KCNN3: variants seen among roughly 807,000 people sequenced by gnomAD.
The protein encoded by KCNN3 is small conductance calcium-activated potassium channel protein 3.
Under a neutral mutation model 62.9 loss-of-function variants are expected in KCNN3, and 16 were observed. That is an observed-to-expected ratio of 0.25 (90% CI 0.17 to 0.39). The LOEUF (loss-of-function observed/expected upper bound fraction) is 0.39, where lower values mean the gene tolerates loss of function less well. Ranked by LOEUF, KCNN3 falls within the 10% of genes least tolerant of loss-of-function variation. The pLI is 1.00. For missense variants in KCNN3, 599 were observed against 949.4 expected (o/e 0.63, Z 4.85); for synonymous variants, 370 against 389.2 (o/e 0.95, Z 0.58).
At chr1:154,843,980 G>T (rs998742353) in intron 1 of KCNN3, among the ~76,000 whole-genome samples, 1 of 152,318 alleles carries the variant, frequency 6.6e-6, no homozygotes, top group Admixed American at 6.5e-5. Context: ...AAGTAGGAGG[G>T]GGGGCTGCAC....
intron 3 of KCNN3, among the ~76,000 whole-genome samples, chr1:154,738,975 A>G (rs1700771325): frequency 6.6e-6 from 1 of 152,222 alleles, no homozygotes; most frequent in South Asian, 2.1e-4. Context: ...AGGGAGAGGA[A>G]GAGTTGGAGG....
Position 154,869,542 on chromosome 1 carries a change from T to C in KCNN3, c.423A>G (p.Pro141=). 6.2e-7 allele frequency: 1 copy of C among 1,613,920 alleles called. No individual in the cohort carries two copies. The highest frequency in any genetic ancestry group is 8.5e-7 in the Non-Finnish European group (1 of 1,179,966). The change falls in exon 1 of 8, where the codon CCA becomes CCG. Residue 141 remains proline, a synonymous_variant. Coordinates refer to ENST00000271915, the MANE Select transcript of KCNN3 (RefSeq NM_002249.6). This position sits in a 1 kb window ranked among gnomAD's most constrained non-coding sequence, Gnocchi z 6.1. ...NLNDHLLGHS[P]SSTATSGPGG... ...CAGGCCCACTTGTAGCTGTGGAACT[T>C]GGAGAGTGGCCAAGCAAGTGGTCAT...
chr1:154,852,369 AT>A (rs34939586), intron 1 of KCNN3, among the ~76,000 whole-genome samples: 5,156 of 136,532 alleles, frequency 0.038, 269 homozygotes, highest in African/African-American at 0.12. Context: ...CACCCAGCTA[AT>A]TTTTTTTTTT....
intron 3 of KCNN3, 167 bp downstream of exon 3, chr1:154,771,808 A>G (rs1648569913): frequency 1.4e-6 from 1 of 737,118 alleles, no homozygotes; most frequent in Admixed American, 2.0e-5. Flanking sequence ...ATTCTAGCTC[A>G]TACTGAACCC....
chr1:154,856,438 C>T (rs1242444166), intron 1 of KCNN3, among the ~76,000 whole-genome samples: 2 of 152,238 alleles, frequency 1.3e-5, no homozygotes, highest in African/African-American at 4.8e-5. Context: ...TTCCAGTTCT[C>T]TCCGAAATTC....
At position 154,702,509 on chromosome 1, in the gene KCNN3, C is replaced by T. The variant is rs914396180; in HGVS notation, c.*5467G>A. On this transcript the variant is annotated 3_prime_UTR_variant, in exon 8 of 8. Transcript: ENST00000271915. ...CATCCTGTCATTCTCTTGTTGTTCT[C>T]GTGGCCAGTGCAGAATGGAGAGTCT... The T allele has an allele frequency of 4.6e-5, 7 of 150,790 alleles. No individual in the cohort carries two copies. The highest frequency in any genetic ancestry group is 1.7e-4 in the African/African-American group (7 of 41,040). 9.3% of individuals were successfully genotyped at this position (150,790 alleles called of 1,614,324 possible).
intron 1 of KCNN3, among the ~76,000 whole-genome samples, chr1:154,823,228 C>T (rs1051686185): frequency 1.5e-4 from 23 of 152,170 alleles, no homozygotes; most frequent in African/African-American, 4.8e-4. Context: ...GAGATAGCTC[C>T]TAGTTCCAAA....
chr1:154,868,095 CTTTA>C (rs1049726653), intron 1 of KCNN3: 10 of 985,408 alleles, frequency 1.0e-5, no homozygotes, highest in South Asian at 9.4e-5. Context: ...ACACACTCAT[CTTTA>C]TTTATCCCAA....
At chr1:154,781,420 T>C (rs1649042412) in intron 2 of KCNN3, among the ~76,000 whole-genome samples, 2 of 152,304 alleles carry the variant, frequency 1.3e-5, no homozygotes, top group East Asian at 1.9e-4. Flanking sequence ...CTCTGGGCTG[T>C]GGGGCCATTT....
chr1:154,783,547 C>T (rs1352001281), intron 2 of KCNN3, among the ~76,000 whole-genome samples: 2 of 152,224 alleles, frequency 1.3e-5, no homozygotes, highest in African/African-American at 4.8e-5. Flanking sequence ...TTTAGGAGCC[C>T]ACTTATGCAC....
chr1:154,738,547 G>C (rs903261585), intron 3 of KCNN3, among the ~76,000 whole-genome samples: 1 of 152,188 alleles, frequency 6.6e-6, no homozygotes, highest in Non-Finnish European at 1.5e-5. Context: ...GGAAGACAAG[G>C]AATAAAGGTA....
At chr1:154,801,520 C>A (rs1422823960) in intron 2 of KCNN3, among the ~76,000 whole-genome samples, 3 of 152,206 alleles carry the variant, frequency 2.0e-5, no homozygotes, top group Non-Finnish European at 4.4e-5. Flanking sequence ...CTCCCACCCC[C>A]TGAAAGAAGA....
rs1699954663 is a variant in KCNN3, at chr1:154,705,765, A to T, written c.*2211T>A. The stretch of plus-strand genomic sequence containing the variant: ...CATATCACAGGGTTATAGCAGAATG[A>T]AAACGGTGGGTAGGAATCACCAGTT... On this transcript the variant is annotated 3_prime_UTR_variant, in exon 8 of 8. Coordinates refer to ENST00000271915, the MANE Select transcript of KCNN3 (RefSeq NM_002249.6). 6.6e-6 allele frequency: 1 copy of T among 152,280 alleles called. No homozygotes were observed. Among genetic ancestry groups the T allele is most frequent in the Non-Finnish European group, 1.5e-5 (1 of 68,080 alleles). 9.4% of individuals were successfully genotyped at this position (152,280 alleles called of 1,614,324 possible).
At position 154,709,258 on chromosome 1, in the gene KCNN3, A is replaced by G. The variant is rs151299550; in HGVS notation, c.1900-986T>C. Among the ~76,000 whole-genome samples, 28 of 152,214 alleles carry G rather than the reference A, an allele frequency of 1.8e-4. No individual in the cohort carries two copies. The South Asian group carries it at 2.7e-3, about 15-fold the overall frequency. On this transcript the variant is annotated intron_variant, in intron 7 of 7. Coordinates refer to ENST00000271915, the MANE Select transcript of KCNN3 (RefSeq NM_002249.6). ...ATGCCATCTTGGCTGTGTACATCAG[A>G]CTTGGGAACAAGATTCACAAGCATC...
intron 1 of KCNN3, among the ~76,000 whole-genome samples, chr1:154,823,600 C>T (rs191151700): frequency 6.6e-6 from 1 of 152,332 alleles, no homozygotes; most frequent in Admixed American, 6.5e-5. Context: ...CCCTCAGGCA[C>T]ACTCTCCAAT....
intron 1 of KCNN3, chr1:154,859,887 C>T (rs1361779064): frequency 6.7e-7 from 1 of 1,482,458 alleles, no homozygotes; most frequent in Non-Finnish European, 9.0e-7. Flanking sequence ...AAGAAAAATG[C>T]CCAACAAGCT....
At chr1:154,798,908 C>A (rs570869480) in intron 2 of KCNN3, among the ~76,000 whole-genome samples, 2 of 133,742 alleles carry the variant, frequency 1.5e-5, no homozygotes, top group African/African-American at 5.5e-5. Context: ...AACACTGACA[C>A]TTATTGCATT....
intron 3 of KCNN3, among the ~76,000 whole-genome samples, 200 bp from the exon 4 acceptor site, chr1:154,733,344 C>T (rs902413365): frequency 5.9e-5 from 9 of 152,308 alleles, no homozygotes; most frequent in South Asian, 2.1e-4. Context: ...CCCCCCGTCC[C>T]GTTGGCCTCC....
intron 3 of KCNN3, among the ~76,000 whole-genome samples, chr1:154,766,345 T>C (rs1648272438): frequency 6.8e-6 from 1 of 146,312 alleles, no homozygotes; most frequent in South Asian, 2.2e-4. Context: ...CCCTCCTCCA[T>C]TATACATATA....
Sources: allele counts gnomAD v4.1 joint callset (sites outside exome capture counted in the v4.1 genomes callset), GRCh38; gene constraint gnomAD v4.1.1; non-coding constraint Gnocchi (gnomAD v3.1); transcripts MANE v1.5; gene names NCBI Gene and HGNC (gene_info 2026-07-23, HGNC 2026-07-21).